LAMP3: variants seen among roughly 807,000 people sequenced by gnomAD.
LAMP3 encodes lysosome-associated membrane glycoprotein 3.
A neutral mutation model predicts 34.8 loss-of-function variants in LAMP3; 26 were observed. The ratio of observed to expected loss-of-function variants is 0.75; its 90% CI spans 0.55 to 1.04. The LOEUF is 1.04. LAMP3 is among the 50% of genes least tolerant of loss of function. LAMP3 has a pLI of 0.00. For synonymous variants in LAMP3, 180 were observed against 201.9 expected, an observed-to-expected ratio of 0.89 and a Z score of 0.92; for missense variants, 495 against 524.0, an observed-to-expected ratio of 0.94 and a Z score of 0.54.
rs770337804 is a variant in LAMP3 at position 183,154,276 on chromosome 3, T to C, written c.165A>G (p.Pro55=). The C allele has an allele frequency of 6.2e-7, 1 of 1,614,198 alleles. No homozygotes were observed. ...VQDIKKPVQQ[P]AKQAPHQTLA... Reference sequence around the variant, plus strand: ...AAGTTTGGTGAGGTGCTTGCTTAGCTGGTTGCTGGACAGGTTTTTTTATGT... The same window carrying C: ...AAGTTTGGTGAGGTGCTTGCTTAGCCGGTTGCTGGACAGGTTTTTTTATGT... Residue 55 remains proline (P), a synonymous_variant, in exon 2 of 6, where the codon CCA becomes CCG. Coordinates refer to ENST00000265598, the MANE Select transcript of LAMP3 (RefSeq NM_014398.4).
At chr3:183,149,933 T>C (rs1014497246) in intron 3 of LAMP3, among the ~76,000 whole-genome samples, 2 of 152,166 alleles carry the variant, frequency 1.3e-5, no homozygotes, top group African/African-American at 2.4e-5. Context: ...CTGGGATAAC[T>C]AAGGCCAGTG....
rs1303772180 is a variant in LAMP3 at position 183,153,186 on chromosome 3, AAAAAAAG to A, written c.759+489_759+495del. Among the ~76,000 whole-genome samples, 9 of 151,716 alleles carry A rather than the reference AAAAAAAG, an allele frequency of 5.9e-5. 1 individual carries two copies. Among genetic ancestry groups the A allele is most frequent in the Admixed American group, 3.9e-4 (6 of 15,248 alleles). On this transcript the variant is annotated intron_variant, in intron 2 of 5. Transcript: ENST00000265598. ...CGAGACTCCGTCTCAAAAAAAAAAA[AAAAAAAG>A]AAAGAAAATATTGTTTTAGTGATTC... is the stretch of plus-strand genomic sequence containing the variant.
At chr3:183,161,966 C>T in intron 1 of LAMP3, 1 of 985,436 alleles carries the variant, frequency 1.0e-6, no homozygotes, top group South Asian at 4.7e-5. Flanking sequence ...CAAGGGCCAC[C>T]GCGCCCCCTG....
chr3:183,134,121 T>C (rs188477570), intron 5 of LAMP3, among the ~76,000 whole-genome samples: 2 of 152,314 alleles, frequency 1.3e-5, no homozygotes, highest in Admixed American at 1.3e-4. Flanking sequence ...TGAGCATCTT[T>C]AGTGAAATTT....
chr3:183,128,147 CAA>C (rs56282591), intron 5 of LAMP3, among the ~76,000 whole-genome samples: 1 of 126,726 alleles, frequency 7.9e-6, no homozygotes, highest in Non-Finnish European at 1.6e-5. Flanking sequence ...CACTCCATCT[CAA>C]AAAAAAAAAA....
chr3:183,150,232 G>A (rs544628527), intron 3 of LAMP3, among the ~76,000 whole-genome samples: 4 of 152,184 alleles, frequency 2.6e-5, no homozygotes, highest in South Asian at 2.1e-4. Context: ...GGAGCTCAAA[G>A]GATTTTCAGA....
rs1044751560 is a variant in LAMP3 at position 183,152,501 on chromosome 3, A to G, written c.762T>C (p.Val254=). 1.2e-6 allele frequency: 2 copies of G among 1,608,398 alleles called. No individual in the cohort carries two copies. Among genetic ancestry groups the G allele is most frequent in the East Asian group, 2.3e-5 (1 of 44,422 alleles). The part of the protein sequence containing the change: ...IQLIVQDKES[V]FSPRRYFNID... ...TGTTGAAGTATCTCCGAGGTGAAAA[A>G]ACCTAAATCAAGTTAGATAGATCAG... is the stretch of plus-strand genomic sequence containing the variant. Residue 254 remains valine (V), a splice_region_variant and synonymous_variant, in exon 3 of 6, where the codon GTT becomes GTC. Transcript: ENST00000265598.
At chr3:183,151,850 G>A (rs1322449397) in intron 3 of LAMP3, among the ~76,000 whole-genome samples, 2 of 152,150 alleles carry the variant, frequency 1.3e-5, no homozygotes, top group Admixed American at 6.5e-5. Context: ...AGCCAAATCC[G>A]CAGTGAGACT....
chr3:183,146,522 A>ATT (rs1192142107), intron 3 of LAMP3, among the ~76,000 whole-genome samples: 9,763 of 129,954 alleles, frequency 0.075, 431 homozygotes, highest in East Asian at 0.14. Flanking sequence ...TGGTGCTCAA[A>ATT]TTTTTTTTTT....
intron 5 of LAMP3, among the ~76,000 whole-genome samples, chr3:183,133,851 T>C (rs1286169467): frequency 3.3e-5 from 5 of 152,210 alleles, no homozygotes; most frequent in Admixed American, 6.5e-5. Context: ...CATTATCTTT[T>C]ACAAGGCTCA....
chr3:183,162,792 G>T, upstream of LAMP3: 1 of 785,396 alleles, frequency 1.3e-6, no homozygotes, highest in Non-Finnish European at 1.9e-6. Flanking sequence ...GCCCAGGGCC[G>T]CTGGGCGGGG....
At chr3:183,138,925 C>A (rs1307197443) in intron 4 of LAMP3, among the ~76,000 whole-genome samples, 2 of 152,130 alleles carry the variant, frequency 1.3e-5, no homozygotes, top group Non-Finnish European at 2.9e-5. Context: ...GTTCTTCCTG[C>A]CATCTGGAAA....
intron 1 of LAMP3, among the ~76,000 whole-genome samples, chr3:183,154,734 A>G (rs1041723471): frequency 3.9e-5 from 6 of 152,118 alleles, no homozygotes; most frequent in Admixed American, 2.0e-4. Flanking sequence ...TCCACCTTCA[A>G]ATGTGGATCC....
Position 183,140,735 on chromosome 3 carries a change from G to A in LAMP3, c.889-140C>T, listed in dbSNP as rs1217205696. The A allele has an allele frequency of 1.9e-5, 10 of 539,628 alleles. No individual in the cohort carries two copies. The Admixed American group carries it at 3.0e-4, about 16-fold the overall frequency. The allele number at this position is 539,628 out of a possible 1,614,324, so 33.4% of individuals were successfully genotyped here. A position where few individuals can be genotyped will look rare whatever the true frequency, so the allele number is the denominator to read the frequency against. ...AGTTACTTGGTACTGGGTCATAATTGTGTATGAAAATTCCAAAAAAGTAAA... is the reference window on the plus strand; with the variant it reads ...AGTTACTTGGTACTGGGTCATAATTATGTATGAAAATTCCAAAAAAGTAAA... On this transcript the variant is annotated intron_variant, in intron 3 of 5. Transcript: ENST00000265598.
chr3:183,140,505 G>A (rs373069827), intron 4 of LAMP3, 33 bp downstream of exon 4: 16 of 1,361,504 alleles, frequency 1.2e-5, no homozygotes, highest in African/African-American at 2.9e-5. Flanking sequence ...ACAGCGTCAT[G>A]GCTGGTCGAA....
chr3:183,150,522 A>G (rs912038858), intron 3 of LAMP3, among the ~76,000 whole-genome samples: 1 of 150,682 alleles, frequency 6.6e-6, no homozygotes, highest in Non-Finnish European at 1.5e-5. Flanking sequence ...GAACCAAAGC[A>G]TAAATGTTTA....
At position 183,153,707 on chromosome 3, in the gene LAMP3, T is replaced by G; in HGVS notation, c.734A>C (p.Gln245Pro). The G allele has an allele frequency of 6.6e-7, 1 of 1,524,646 alleles. No individual in the cohort carries two copies. Among genetic ancestry groups the G allele is most frequent in the Non-Finnish European group, 8.8e-7 (1 of 1,138,102 alleles). 94.4% of individuals were successfully genotyped at this position (1,524,646 alleles called of 1,614,324 possible). Reference protein sequence around the residue: ...RLCIKAEMGIQLIVQDKESVF... With the variant: ...RLCIKAEMGIPLIVQDKESVF... ...CGACTCCTTGTCTTGAACAATCAGC[T>G]GTATCCCCATCTCTGCTTTTATACA... Residue 245 changes from glutamine (Q) to proline (P), a missense_variant, in exon 2 of 6, where the codon CAG becomes CCG. Physicochemically the swap from Gln to Pro is moderately conservative, Grantham distance 76. Transcript: ENST00000265598.
At chr3:183,151,577 G>A (rs1720635118) in intron 3 of LAMP3, among the ~76,000 whole-genome samples, 1 of 151,962 alleles carries the variant, frequency 6.6e-6, no homozygotes, top group African/African-American at 2.4e-5. Context: ...ACAGGCGCCC[G>A]CCACCATGCC....
intron 1 of LAMP3, among the ~76,000 whole-genome samples, chr3:183,159,312 G>A (rs906617104): frequency 6.6e-6 from 1 of 152,242 alleles, no homozygotes; most frequent in Non-Finnish European, 1.5e-5. Context: ...AGGAGGAAGA[G>A]AATGTGTAAG....
Sources: allele counts gnomAD v4.1 joint callset (sites outside exome capture counted in the v4.1 genomes callset), GRCh38; gene constraint gnomAD v4.1.1; transcripts MANE v1.5; gene names NCBI Gene and HGNC (gene_info 2026-07-23, HGNC 2026-07-21).